TNFRSF25: variants seen among roughly 807,000 people sequenced by gnomAD.
TNFRSF25 encodes TNF receptor superfamily member 25.
Under a neutral mutation model 49.4 loss-of-function variants are expected in TNFRSF25, and 28 were observed. The observed-to-expected ratio is 0.57, with a 90% CI of 0.42 to 0.78. The LOEUF (loss-of-function observed/expected upper bound fraction) is 0.78, where lower values mean the gene tolerates loss of function less well. Among genes scored for constraint, TNFRSF25 ranks in the 30% least tolerant of loss-of-function variants. TNFRSF25 has a pLI of 0.00. For missense variants in TNFRSF25, 531 were observed against 581.6 expected (o/e 0.91, Z 0.90); for synonymous variants, 240 against 234.2 (o/e 1.02, Z -0.23).
chr1:6,461,893 C>T lies in TNFRSF25; in HGVS notation c.925+101G>A. On this transcript the variant is annotated intron_variant, in intron 9 of 9. Coordinates refer to ENST00000356876, the MANE Select transcript of TNFRSF25 (RefSeq NM_003790.3). This position sits in a 1 kb window ranked among gnomAD's most constrained non-coding sequence, Gnocchi z 6.3. ...GGTGGGTCAGGGCATAGGGCGGACT[C>T]CGTCAGTTAGGGGGCAGAAAGGGAA... is the stretch of plus-strand genomic sequence containing the variant. The T allele has an allele frequency of 6.7e-7, 1 of 1,489,764 alleles. No homozygotes were observed. The highest frequency in any genetic ancestry group is 8.9e-7 in the Non-Finnish European group (1 of 1,123,666). 92.3% of individuals were successfully genotyped at this position (1,489,764 alleles called of 1,614,324 possible).
chr1:6,466,065 TCACCGCCGC>T lies in TNFRSF25; in HGVS notation c.34_39+3del. On this transcript the variant is annotated splice_donor_variant and splice_donor_region_variant and coding_sequence_variant and intron_variant, in exon 1 of 10. Transcript: ENST00000356876. LOFTEE classifies it high-confidence loss of function. ...TGCCCCTAGCCTCCTGCGTCTCAAC[TCACCGCCGC>T]CACCGCCGCGCAGCCCCGCGGCCGC... 2 of 1,578,562 alleles carry T rather than the reference TCACCGCCGC, an allele frequency of 1.3e-6. No homozygotes were observed. The highest frequency in any genetic ancestry group is 1.1e-5 in the South Asian group (1 of 87,526).
In TNFRSF25 at chr1:6,465,128, A is replaced by G. The variant is rs1644306789; in HGVS notation, c.255T>C (p.His85=). ...CCTGGCAGCGGGCACATTCAGAATT[A>G]TGGTGGTTCTCCCAGGCCAAGAAGG... ...QDTFLAWENH[H]NSECARCQAC... Residue 85 remains histidine (H), a synonymous_variant, in exon 3 of 10, where the codon CAT becomes CAC. Coordinates refer to ENST00000356876, the MANE Select transcript of TNFRSF25 (RefSeq NM_003790.3). 2 of 1,614,048 alleles carry G rather than the reference A, an allele frequency of 1.2e-6. No individual in the cohort carries two copies. Among genetic ancestry groups the G allele is most frequent in the Admixed American group, 1.7e-5 (1 of 60,008 alleles).
chr1:6,460,910 A>G lies in TNFRSF25; in HGVS notation c.*524T>C, dbSNP rs561747048. 1 of 347,718 alleles carries G rather than the reference A, an allele frequency of 2.9e-6. No individual in the cohort carries two copies. The highest frequency in any genetic ancestry group is 8.5e-5 in the East Asian group (1 of 11,716). The allele number at this position is 347,718 out of a possible 1,614,324, so 21.5% of individuals were successfully genotyped here. On this transcript the variant is annotated 3_prime_UTR_variant, in exon 10 of 10. Transcript: ENST00000356876. Reference sequence around the variant, plus strand: ...CCTGTCTCCGCCACCTCGCAGCCCCATTAAAGCGCTCTCATCTGGGCTCCG... The same window carrying G: ...CCTGTCTCCGCCACCTCGCAGCCCCGTTAAAGCGCTCTCATCTGGGCTCCG...
intron 1 of TNFRSF25, 26 bp downstream of exon 1, chr1:6,466,043 C>A: frequency 6.3e-7 from 1 of 1,578,192 alleles, no homozygotes; most frequent in Non-Finnish European, 8.6e-7. Flanking sequence ...TCAAAGCTGC[C>A]CCTAGCCTCC....
chr1:6,462,300 C>T lies in TNFRSF25; in HGVS notation c.745-126G>A. The T allele has an allele frequency of 1.5e-6, 2 of 1,312,108 alleles. No individual in the cohort carries two copies. The highest frequency in any genetic ancestry group is 2.4e-5 in the East Asian group (1 of 41,174). 81.3% of individuals were successfully genotyped at this position (1,312,108 alleles called of 1,614,324 possible). A position where few individuals can be genotyped will look rare whatever the true frequency, so the allele number is the denominator to read the frequency against. On this transcript the variant is annotated intron_variant, in intron 8 of 9. Coordinates refer to ENST00000356876, the MANE Select transcript of TNFRSF25 (RefSeq NM_003790.3). The surrounding 1 kb of genome is among the most constrained non-coding windows in gnomAD (Gnocchi z 4.2). ...GACACCCCCGCAATGACACCTCCCA[C>T]AGTTGGCCCTGCTCTCACTGTAGCC...
chr1:6,465,374 C>A (rs528421817), intron 2 of TNFRSF25, 66 bp downstream of exon 2: 52 of 1,607,518 alleles, frequency 3.2e-5, no homozygotes, highest in Admixed American at 1.5e-4. Flanking sequence ...TCTTACCTCC[C>A]GGGCCTGCCC....
At chr1:6,465,812 C>T (rs1197265317) in intron 1 of TNFRSF25, 5 of 1,423,656 alleles carry the variant, frequency 3.5e-6, no homozygotes, top group Non-Finnish European at 4.6e-6. Flanking sequence ...TCCAGCAGCG[C>T]CCCCACCCCC....
In TNFRSF25 at chr1:6,462,825, C is replaced by A; in HGVS notation, c.706+38G>T. The A allele has an allele frequency of 6.3e-7, 1 of 1,581,402 alleles. No individual in the cohort carries two copies. Among genetic ancestry groups the A allele is most frequent in the East Asian group, 2.3e-5 (1 of 43,542 alleles). ...AGACTCTGGGCTACCCATCCTGACC[C>A]CAGGCTTCTGGGTGCGTGTGTGGGT... On this transcript the variant is annotated intron_variant, in intron 7 of 9. Transcript: ENST00000356876. This position sits in a 1 kb window ranked among gnomAD's most constrained non-coding sequence, Gnocchi z 4.2.
In TNFRSF25 at chr1:6,462,400, C is replaced by G. The variant is rs532816978; in HGVS notation, c.745-226G>C. On this transcript the variant is annotated intron_variant, in intron 8 of 9. Transcript: ENST00000356876. The surrounding 1 kb of genome is among the most constrained non-coding windows in gnomAD (Gnocchi z 4.2). ...TCTTGTCCCCCAGCACCATGGGGCT[C>G]TCCTTCCATTGAACTGTTAGCTCCT... 21 of 1,226,194 alleles carry G rather than the reference C, an allele frequency of 1.7e-5. No individual in the cohort carries two copies. In the South Asian group the frequency reaches 3.0e-4, roughly 18 times the overall value. The allele number at this position is 1,226,194 out of a possible 1,614,324, so 76.0% of individuals were successfully genotyped here.
Position 6,461,849 on chromosome 1 carries a change from G to A in TNFRSF25, c.926-87C>T. The A allele has an allele frequency of 6.9e-7, 1 of 1,451,326 alleles. No homozygotes were observed. Among genetic ancestry groups the A allele is most frequent in the Admixed American group, 2.5e-5 (1 of 39,634 alleles). The allele number at this position is 1,451,326 out of a possible 1,614,324, so 89.9% of individuals were successfully genotyped here. A position where few individuals can be genotyped will look rare whatever the true frequency, so the allele number is the denominator to read the frequency against. ...GGGGCGTTCGTGCGGGTACCCCAGG[G>A]CTGAAGCCCGCTGGATCCGGTGGGT... On this transcript the variant is annotated intron_variant, in intron 9 of 9. Coordinates refer to ENST00000356876, the MANE Select transcript of TNFRSF25 (RefSeq NM_003790.3). This position sits in a 1 kb window ranked among gnomAD's most constrained non-coding sequence, Gnocchi z 6.3.
Position 6,464,518 on chromosome 1 carries a change from C to A in TNFRSF25, c.463+34G>T, listed in dbSNP as rs946262329. On this transcript the variant is annotated intron_variant, in intron 4 of 9. Coordinates refer to ENST00000356876, the MANE Select transcript of TNFRSF25 (RefSeq NM_003790.3). Reference sequence around the variant, plus strand: ...GTGGGTCAGGCAGGGAGAAGGGGGTCTGGGAGTAGAGAGCCCTGGGTGGGG... The same window carrying A: ...GTGGGTCAGGCAGGGAGAAGGGGGTATGGGAGTAGAGAGCCCTGGGTGGGG... 1.9e-6 allele frequency: 3 copies of A among 1,613,374 alleles called. No homozygotes were observed. The African/African-American group carries it at 4.0e-5, about 22-fold the overall frequency.
At chr1:6,465,770 C>T (rs1644342320) in intron 1 of TNFRSF25, 3 of 1,428,288 alleles carry the variant, frequency 2.1e-6, no homozygotes, top group South Asian at 1.5e-5. Context: ...CTTACCAGCC[C>T]CTCACAAGTT....
In TNFRSF25 at chr1:6,465,432, C is replaced by A; in HGVS notation, c.160+8G>T. On this transcript the variant is annotated splice_region_variant and intron_variant, in intron 2 of 9. Transcript: ENST00000356876. ...CCCCATGCCTCTCCCACCCCTGTGGCCACTTACCCGCTGGGCAGCCTCTGC... is the reference window on the plus strand; with the variant it reads ...CCCCATGCCTCTCCCACCCCTGTGGACACTTACCCGCTGGGCAGCCTCTGC... 4.3e-6 allele frequency: 7 copies of A among 1,613,922 alleles called. No individual in the cohort carries two copies. Among genetic ancestry groups the A allele is most frequent in the Non-Finnish European group, 5.1e-6 (6 of 1,179,992 alleles).
intron 2 of TNFRSF25, 78 bp from the exon 3 acceptor site, chr1:6,465,300 T>G (rs1313090404): frequency 3.6e-6 from 3 of 823,470 alleles, no homozygotes; most frequent in Non-Finnish European, 4.9e-6. Flanking sequence ...CTGCCCTCCC[T>G]CCCTCTTTCT....
At position 6,462,396 on chromosome 1, in the gene TNFRSF25, G is replaced by C. The variant is rs1029134579; in HGVS notation, c.745-222C>G. 3 of 1,207,682 alleles carry C rather than the reference G, an allele frequency of 2.5e-6. No individual in the cohort carries two copies. The highest frequency in any genetic ancestry group is 3.4e-6 in the Non-Finnish European group (3 of 891,872). The allele number at this position is 1,207,682 out of a possible 1,614,324, so 74.8% of individuals were successfully genotyped here. On this transcript the variant is annotated intron_variant, in intron 8 of 9. Transcript: ENST00000356876. The surrounding 1 kb of genome is among the most constrained non-coding windows in gnomAD (Gnocchi z 4.2). ...TTCCTCTTGTCCCCCAGCACCATGGGGCTCTCCTTCCATTGAACTGTTAGC... is the reference window on the plus strand; with the variant it reads ...TTCCTCTTGTCCCCCAGCACCATGGCGCTCTCCTTCCATTGAACTGTTAGC...
Position 6,462,655 on chromosome 1 carries a change from C to T in TNFRSF25, c.718G>A (p.Gly240Arg). 1 of 1,613,778 alleles carries T rather than the reference C, an allele frequency of 6.2e-7. No homozygotes were observed. Among genetic ancestry groups the T allele is most frequent in the South Asian group, 1.1e-5 (1 of 91,046 alleles). ...GGTGGTGGGGTCAGAGCCTCCATCC[C>T]AGCTTCATCTGCTGACAGACACAGA... ...HKPLVTADEA[G>R]MEALTPPPAT... is the part of the protein sequence containing the mutation. The change falls in exon 8 of 10, where the codon GGG (glycine) becomes AGG (arginine). Residue 240 changes from glycine to arginine, a missense_variant. Physicochemically the swap from Gly to Arg is moderately radical, Grantham distance 125 (BLOSUM62 -2). Transcript: ENST00000356876. This position sits in a 1 kb window ranked among gnomAD's most constrained non-coding sequence, Gnocchi z 4.2.
At position 6,462,715 on chromosome 1, in the gene TNFRSF25, A is replaced by G. The variant is rs751489529; in HGVS notation, c.707-49T>C. On this transcript the variant is annotated intron_variant, in intron 7 of 9. Coordinates refer to ENST00000356876, the MANE Select transcript of TNFRSF25 (RefSeq NM_003790.3). This position sits in a 1 kb window ranked among gnomAD's most constrained non-coding sequence, Gnocchi z 4.2. ...GTCAGCCACCAGGCAAGCCTCCTGGACCTGGGTGCTGGTACAGCTCCTCTA... is the reference window on the plus strand; with the variant it reads ...GTCAGCCACCAGGCAAGCCTCCTGGGCCTGGGTGCTGGTACAGCTCCTCTA... 1.2e-6 allele frequency: 2 copies of G among 1,606,222 alleles called. No individual in the cohort carries two copies. The highest frequency in any genetic ancestry group is 1.7e-6 in the Non-Finnish European group (2 of 1,176,056).
chr1:6,465,963 G>GC (rs1644353849), intron 1 of TNFRSF25, 106 bp downstream of exon 1: 1 of 1,484,916 alleles, frequency 6.7e-7, no homozygotes, highest in African/African-American at 1.4e-5. Context: ...GGCCAACCCA[G>GC]CCCCCAGTGA....
chr1:6,460,876 C>T lies in TNFRSF25; in HGVS notation c.*558G>A. 3.0e-6 allele frequency: 1 copy of T among 328,990 alleles called. No homozygotes were observed. Among genetic ancestry groups the T allele is most frequent in the Non-Finnish European group, 6.0e-6 (1 of 165,684 alleles). The allele number at this position is 328,990 out of a possible 1,614,324, so 20.4% of individuals were successfully genotyped here. A position where few individuals can be genotyped will look rare whatever the true frequency, so the allele number is the denominator to read the frequency against. On this transcript the variant is annotated 3_prime_UTR_variant, in exon 10 of 10. Coordinates refer to ENST00000356876, the MANE Select transcript of TNFRSF25 (RefSeq NM_003790.3). Reference sequence around the variant, plus strand: ...CCCTGTGTCTCCAACTGCTGCACCCCATCCCGACCCTGTCTCCGCCACCTC... The same window carrying T: ...CCCTGTGTCTCCAACTGCTGCACCCTATCCCGACCCTGTCTCCGCCACCTC...
Sources: allele counts gnomAD v4.1 joint callset, GRCh38; gene constraint gnomAD v4.1.1; non-coding constraint Gnocchi (gnomAD v3.1); transcripts MANE v1.5; gene names NCBI Gene and HGNC (gene_info 2026-07-23, HGNC 2026-07-21).